Variants in TMEM87B observed in about 807,000 individuals in gnomAD.
TMEM87B encodes transmembrane protein 87B.
A neutral mutation model predicts 80.3 loss-of-function variants in TMEM87B; 83 were observed. The ratio of observed to expected loss-of-function variants is 1.03; its 90% confidence interval spans 0.87 to 1.24. The LOEUF (loss-of-function observed/expected upper bound fraction) is 1.24. TMEM87B is among the 50% of genes most tolerant of loss of function. TMEM87B has a pLI of 0.00. For missense variants in TMEM87B, 625 were observed against 674.4 expected (o/e 0.93, Z 0.81); for synonymous variants, 219 against 230.5 (o/e 0.95, Z 0.45).
intron 5 of TMEM87B, among the ~76,000 whole-genome samples, chr2:112,075,282 C>G (rs1678774210): frequency 6.6e-6 from 1 of 152,090 alleles, no homozygotes; most frequent in African/African-American, 2.4e-5. Context: ...TGCCTGTAAT[C>G]CTAGCTACTT....
At chr2:112,099,731 G>T (rs1236721601) in intron 14 of TMEM87B, among the ~76,000 whole-genome samples, 8 of 150,598 alleles carry the variant, frequency 5.3e-5, no homozygotes, top group Non-Finnish European at 1.5e-5. Context: ...ACAAAAATTA[G>T]CCAGGTGCGG....
chr2:112,066,891 A>C, intron 3 of TMEM87B, 45 bp from the exon 4 acceptor site: 1 of 1,484,478 alleles, frequency 6.7e-7, no homozygotes, highest in Non-Finnish European at 9.0e-7. Context: ...TTCTAGGATA[A>C]GAAGTGTGGG....
In TMEM87B at chr2:112,055,302, C is replaced by T. The variant is rs1678003048; in HGVS notation, c.-290C>T. ...GCCCACGCTAGGCCCTGAGCCCAGCCTCCACGTCTCGCCGCCAACTCCACA... is the reference window on the plus strand; with the variant it reads ...GCCCACGCTAGGCCCTGAGCCCAGCTTCCACGTCTCGCCGCCAACTCCACA... On this transcript the variant is annotated 5_prime_UTR_variant, in exon 1 of 19. Coordinates refer to ENST00000283206, the MANE Select transcript of TMEM87B (RefSeq NM_032824.3). 7 of 465,084 alleles carry T rather than the reference C, an allele frequency of 1.5e-5. No individual in the cohort carries two copies. Among genetic ancestry groups the T allele is most frequent in the Non-Finnish European group, 2.3e-5 (6 of 264,000 alleles). 28.8% of individuals were successfully genotyped at this position (465,084 alleles called of 1,614,324 possible). A position where few individuals can be genotyped will look rare whatever the true frequency, so the allele number is the denominator to read the frequency against.
intron 17 of TMEM87B, among the ~76,000 whole-genome samples, chr2:112,108,069 C>G (rs1436002265): frequency 6.6e-6 from 1 of 152,112 alleles, no homozygotes; most frequent in Non-Finnish European, 1.5e-5. Flanking sequence ...CTAACCAACT[C>G]TAGCTTTTTC....
At chr2:112,055,803 G>T in intron 1 of TMEM87B, 47 bp downstream of exon 1, 1 of 1,446,494 alleles carries the variant, frequency 6.9e-7, no homozygotes. Flanking sequence ...CGGGCCGTCA[G>T]GGCCGTCGTG....
At chr2:112,056,705 A>G (rs1330443785) in intron 1 of TMEM87B, among the ~76,000 whole-genome samples, 1 of 152,234 alleles carries the variant, frequency 6.6e-6, no homozygotes, top group African/African-American at 2.4e-5. Flanking sequence ...TCCAAAGACT[A>G]CAAATACTTC....
rs142328288 is a variant in TMEM87B at position 112,082,191 on chromosome 2, C to T, written c.838+673C>T. Among the ~76,000 whole-genome samples the T allele has an allele frequency of 6.5e-3, 992 of 152,320 alleles. 6 individuals carry two copies. The highest frequency in any genetic ancestry group is 0.024 in the Middle Eastern group (7 of 294). ...AGAGAGCTCAGAGAGGTTGAAGGTG[C>T]TCAAGAGTGTACTTCTGAGTGACCA... On this transcript the variant is annotated intron_variant, in intron 8 of 18. Transcript: ENST00000283206.
intron 9 of TMEM87B, 72 bp from the exon 10 acceptor site, chr2:112,089,553 G>T (rs1187609066): frequency 7.5e-7 from 1 of 1,336,210 alleles, no homozygotes; most frequent in African/African-American, 1.4e-5. Context: ...AATGGTGCCA[G>T]TTACTGTATT....
chr2:112,081,881 T>C (rs997426050), intron 8 of TMEM87B, among the ~76,000 whole-genome samples: 1 of 152,182 alleles, frequency 6.6e-6, no homozygotes, highest in African/African-American at 2.4e-5. Context: ...CTTCTTTTCT[T>C]TCTCCTTCTC....
Position 112,070,218 on chromosome 2 carries a change from T to G in TMEM87B, c.450+3151T>G, listed in dbSNP as rs115277146. On this transcript the variant is annotated intron_variant, in intron 4 of 18. Coordinates refer to ENST00000283206, the MANE Select transcript of TMEM87B (RefSeq NM_032824.3). The stretch of plus-strand genomic sequence containing the variant: ...AATTTTTGCTTTTGTTGCAATTGCT[T>G]TTTTGGCAACTTTGTCATGAAATCG... Among the ~76,000 whole-genome samples, 1,108 of 152,336 alleles carry G rather than the reference T, an allele frequency of 7.3e-3. 14 individuals are homozygous for G. Among genetic ancestry groups the G allele is most frequent in the African/African-American group, 0.025 (1,052 of 41,572 alleles).
In TMEM87B at chr2:112,055,502, C is replaced by T; in HGVS notation, c.-90C>T. On this transcript the variant is annotated 5_prime_UTR_variant, in exon 1 of 19. Transcript: ENST00000283206. ...ACACCCGAGTCCGAGCCCCGCGTCC[C>T]GGATTCGGACCCGCCTGCCTGGGGC... The T allele has an allele frequency of 7.3e-7, 1 of 1,361,976 alleles. No individual in the cohort carries two copies. The highest frequency in any genetic ancestry group is 9.5e-7 in the Non-Finnish European group (1 of 1,053,646). The allele number at this position is 1,361,976 out of a possible 1,614,324, so 84.4% of individuals were successfully genotyped here.
At chr2:112,079,312 G>A (rs905697154) in intron 6 of TMEM87B, among the ~76,000 whole-genome samples, 4 of 152,176 alleles carry the variant, frequency 2.6e-5, no homozygotes, top group South Asian at 2.1e-4. Flanking sequence ...TTCTGCTCTC[G>A]TATTAGGAGT....
chr2:112,093,035 A>G (rs567199412), intron 11 of TMEM87B, among the ~76,000 whole-genome samples: 1 of 151,998 alleles, frequency 6.6e-6, no homozygotes, highest in Non-Finnish European at 1.5e-5. Context: ...TAATTTTTTT[A>G]AAAAATTGTT....
At position 112,100,628 on chromosome 2, in the gene TMEM87B, CT is replaced by C; in HGVS notation, c.1385del (p.Phe462SerfsTer4). 1 of 1,607,790 alleles carries C rather than the reference CT, an allele frequency of 6.2e-7. No individual in the cohort carries two copies. ...CTCCTTGTTTTTGCTATAGATATGC[CT>C]TCATGCCCTTAATAGATGATTCTGA... ...RPSANNQRYA[F>X]MPLIDDSDDE... On this transcript the variant is annotated frameshift_variant, in exon 15 of 19. Coordinates refer to ENST00000283206, the MANE Select transcript of TMEM87B (RefSeq NM_032824.3). LOFTEE classifies it high-confidence loss of function.
In TMEM87B at chr2:112,055,413, T is replaced by C; in HGVS notation, c.-179T>C. On this transcript the variant is annotated 5_prime_UTR_variant, in exon 1 of 19. Coordinates refer to ENST00000283206, the MANE Select transcript of TMEM87B (RefSeq NM_032824.3). ...AGCCCTAAGCCCTGCCTCCCGGTCC[T>C]GGCCGGGTTTCCCAGAACTGCACGG... The C allele has an allele frequency of 3.0e-6, 2 of 677,952 alleles. No individual in the cohort carries two copies. 42.0% of individuals were successfully genotyped at this position (677,952 alleles called of 1,614,324 possible). A position where few individuals can be genotyped will look rare whatever the true frequency, so the allele number is the denominator to read the frequency against.
chr2:112,095,307 T>G, intron 11 of TMEM87B: 1 of 983,050 alleles, frequency 1.0e-6, no homozygotes, highest in South Asian at 4.7e-5. Context: ...TGGATATCCT[T>G]TTCCTACCAC....
chr2:112,093,406 C>T (rs1679363046), intron 11 of TMEM87B, among the ~76,000 whole-genome samples: 1 of 152,128 alleles, frequency 6.6e-6, no homozygotes, highest in Admixed American at 6.6e-5. Flanking sequence ...AGCTGTGGAG[C>T]CTCTCTTCAC....
rs150663837 is a variant in TMEM87B, at chr2:112,089,701, G to A, written c.1015G>A (p.Val339Met). ...CTTAATCTTTGCAGCTGTTGAAGGCGTGATGAGAGTCATTGGGGTAAAAAC... is the reference window on the plus strand; with the variant it reads ...CTTAATCTTTGCAGCTGTTGAAGGCATGATGAGAGTCATTGGGGTAAAAAC... The part of the protein sequence containing the change: ...LYLIFAAVEG[V>M]MRVIGGSNHL... Residue 339 changes from valine (V) to methionine (M), a missense_variant, in exon 10 of 19, where the codon GTG (valine) becomes ATG (methionine). Physicochemically the swap from Val to Met is conservative, Grantham distance 21. Transcript: ENST00000283206. 22 of 1,614,018 alleles carry A rather than the reference G, an allele frequency of 1.4e-5. No individual in the cohort carries two copies. Among genetic ancestry groups the A allele is most frequent in the African/African-American group, 6.7e-5 (5 of 74,948 alleles).
chr2:112,064,120 A>T (rs374933771), intron 2 of TMEM87B, 42 bp from the exon 3 acceptor site: 10 of 1,521,288 alleles, frequency 6.6e-6, no homozygotes, highest in Non-Finnish European at 9.1e-6. Flanking sequence ...ATTAGAGTGT[A>T]TGTATTATTC....
Sources: allele counts gnomAD v4.1 joint callset (sites outside exome capture counted in the v4.1 genomes callset), GRCh38; gene constraint gnomAD v4.1.1; transcripts MANE v1.5; gene names NCBI Gene and HGNC (gene_info 2026-07-23, HGNC 2026-07-21).